XIRP2: variants seen among roughly 807,000 people sequenced by gnomAD.
XIRP2 encodes xin actin-binding repeat-containing protein 2.
Under a neutral mutation model 277.0 loss-of-function variants are expected in XIRP2, and 236 were observed. The observed-to-expected ratio is 0.85, with a 90% CI of 0.77 to 0.95. The LOEUF is 0.95. XIRP2 is among the 40% of genes least tolerant of loss of function. The pLI, the probability that XIRP2 is intolerant of heterozygous loss-of-function variation, is 0.00. For missense variants in XIRP2, 4,640 were observed against 4,157.5 expected, an observed-to-expected ratio of 1.12 and a Z score of -3.19; for synonymous variants, 1,490 against 1,416.5, an observed-to-expected ratio of 1.05 and a Z score of -1.17.
At chr2:167,210,597 A>C in intron 3 of XIRP2, 138 bp from the exon 4 acceptor site, 1 of 1,186,812 alleles carries the variant, frequency 8.4e-7, no homozygotes, top group Non-Finnish European at 1.2e-6. Flanking sequence ...GATGACCATG[A>C]GACATTGAAA....
intron 2 of XIRP2, among the ~76,000 whole-genome samples, chr2:166,921,734 C>G (rs1685046083): frequency 1.3e-5 from 2 of 152,044 alleles, no homozygotes; most frequent in Admixed American, 6.6e-5. Flanking sequence ...AGTGTCTACT[C>G]TTAGGTTATG....
intron 1 of XIRP2, among the ~76,000 whole-genome samples, chr2:166,888,778 TCTAA>T (rs1684020773): frequency 6.6e-6 from 1 of 152,314 alleles, no homozygotes; most frequent in Admixed American, 6.5e-5. Context: ...CATTTGTTTT[TCTAA>T]CTAAGAAACA....
chr2:167,218,067 ACTGT>A (rs901758073), intron 4 of XIRP2, 95 bp from the exon 5 acceptor site: 15 of 1,022,892 alleles, frequency 1.5e-5, no homozygotes, highest in African/African-American at 3.3e-5. Flanking sequence ...TTTTTAAGAT[ACTGT>A]CTATCAATAA....
intron 2 of XIRP2, among the ~76,000 whole-genome samples, chr2:167,130,482 C>A (rs6706173): frequency 0.29 from 44,532 of 151,608 alleles, 9,037 homozygotes; most frequent in African/African-American, 0.58. Context: ...TTTTGGTCAC[C>A]GCTGGATCCT....
At chr2:167,007,671 A>G (rs1687539598) in intron 2 of XIRP2, among the ~76,000 whole-genome samples, 1 of 145,532 alleles carries the variant, frequency 6.9e-6, no homozygotes, top group Admixed American at 7.2e-5. Context: ...TATCTTACCC[A>G]CATGTACACT....
At chr2:167,213,903 G>T (rs1694137094) in intron 4 of XIRP2, among the ~76,000 whole-genome samples, 1 of 151,960 alleles carries the variant, frequency 6.6e-6, no homozygotes, top group Non-Finnish European at 1.5e-5. Context: ...ATAGTACCAG[G>T]GGTAGCAGGA....
chr2:167,034,450 T>C (rs1197383037), intron 2 of XIRP2, among the ~76,000 whole-genome samples: 2 of 150,038 alleles, frequency 1.3e-5, no homozygotes, highest in Admixed American at 6.7e-5. Context: ...ATTACATGAA[T>C]ATAGATGGAC....
At chr2:167,069,650 C>T (rs937856026) in intron 2 of XIRP2, among the ~76,000 whole-genome samples, 1 of 152,148 alleles carries the variant, frequency 6.6e-6, no homozygotes, top group Non-Finnish European at 1.5e-5. Context: ...CCGACCCCGA[C>T]CCTCTCCTAC....
At chr2:166,958,916 T>A (rs1023710792) in intron 2 of XIRP2, among the ~76,000 whole-genome samples, 1 of 151,764 alleles carries the variant, frequency 6.6e-6, no homozygotes, top group African/African-American at 2.4e-5. Flanking sequence ...TTCGAGAACG[T>A]CTATTCCAAC....
intron 2 of XIRP2, among the ~76,000 whole-genome samples, chr2:166,911,883 G>T (rs1293238889): frequency 6.6e-6 from 1 of 152,102 alleles, no homozygotes; most frequent in South Asian, 2.1e-4. Context: ...TAGTTTGGCT[G>T]GATATGAAAT....
At chr2:166,971,088 G>A (rs1686564013) in intron 2 of XIRP2, among the ~76,000 whole-genome samples, 1 of 151,878 alleles carries the variant, frequency 6.6e-6, no homozygotes, top group Admixed American at 6.6e-5. Context: ...AGTCTATTGA[G>A]ATTATTTTTT....
intron 2 of XIRP2, among the ~76,000 whole-genome samples, chr2:166,977,103 C>T (rs2105427800): frequency 6.6e-6 from 1 of 152,170 alleles, no homozygotes; most frequent in East Asian, 1.9e-4. Flanking sequence ...TGTGTTTGCT[C>T]TGTTGGTATT....
intron 2 of XIRP2, among the ~76,000 whole-genome samples, chr2:166,928,200 T>C (rs1215514644): frequency 6.6e-6 from 1 of 152,082 alleles, no homozygotes; most frequent in Non-Finnish European, 1.5e-5. Flanking sequence ...TGGCTATTCC[T>C]AAAACCAAGG....
intron 2 of XIRP2, among the ~76,000 whole-genome samples, chr2:166,904,691 A>G (rs1310368041): frequency 6.6e-6 from 1 of 152,148 alleles, no homozygotes; most frequent in Non-Finnish European, 1.5e-5. Flanking sequence ...CCTGTACATA[A>G]TAGAAATTAT....
intron 2 of XIRP2, among the ~76,000 whole-genome samples, chr2:166,919,193 T>C (rs1396790887): frequency 1.3e-5 from 2 of 152,178 alleles, no homozygotes; most frequent in African/African-American, 2.4e-5. Context: ...GTATTATATA[T>C]GGGAAACAAA....
intron 3 of XIRP2, among the ~76,000 whole-genome samples, chr2:167,156,767 T>G (rs1468485856): frequency 1.3e-5 from 2 of 152,342 alleles, no homozygotes; most frequent in South Asian, 4.1e-4. Context: ...CAGAATAATT[T>G]TTTAAAAATG....
chr2:166,911,522 C>G (rs928865574), intron 2 of XIRP2, among the ~76,000 whole-genome samples: 3 of 152,104 alleles, frequency 2.0e-5, no homozygotes, highest in Non-Finnish European at 4.4e-5. Context: ...TGAGATGGGT[C>G]TCCTCAATAC....
At chr2:167,238,822 C>A (rs1001999665) in intron 5 of XIRP2, among the ~76,000 whole-genome samples, 1 of 152,074 alleles carries the variant, frequency 6.6e-6, no homozygotes, top group African/African-American at 2.4e-5. Context: ...TGTCTGTATC[C>A]TTATTTTTGA....
chr2:167,010,821 T>A (rs1687655214), intron 2 of XIRP2, among the ~76,000 whole-genome samples: 1 of 152,052 alleles, frequency 6.6e-6, no homozygotes, highest in African/African-American at 2.4e-5. Context: ...TATTTTATTC[T>A]CTTTGAAGCA....
Sources: allele counts gnomAD v4.1 joint callset (sites outside exome capture counted in the v4.1 genomes callset), GRCh38; gene constraint gnomAD v4.1.1; transcripts MANE v1.5; gene names NCBI Gene and HGNC (gene_info 2026-07-23, HGNC 2026-07-21).